The following EIPR1 variants were observed in gnomAD, a reference collection of about 807,000 sequenced individuals.
EIPR1 encodes EARP complex and GARP complex interacting protein 1.
Under a neutral mutation model 48.1 loss-of-function variants are expected in EIPR1, and 25 were observed. The observed-to-expected ratio is 0.52, with a 90% CI of 0.38 to 0.73. EIPR1 has a LOEUF of 0.73. Among genes scored for constraint, EIPR1 ranks in the 30% least tolerant of loss-of-function variants. EIPR1 has a pLI of 0.00. For missense variants in EIPR1, 415 were observed against 506.2 expected (o/e 0.82, Z 1.73); for synonymous variants, 204 against 201.9 (o/e 1.01, Z -0.09).
chr2:3,258,924 T>TTATC (rs907136379), intron 3 of EIPR1, among the ~76,000 whole-genome samples: 1 of 152,170 alleles, frequency 6.6e-6, no homozygotes, highest in African/African-American at 2.4e-5. Flanking sequence ...GGAATTTTAT[T>TTATC]TATTTATTTA....
intron 3 of EIPR1, among the ~76,000 whole-genome samples, chr2:3,283,244 T>C (rs1226053942): frequency 6.6e-6 from 1 of 152,100 alleles, no homozygotes; most frequent in Non-Finnish European, 1.5e-5. Flanking sequence ...ATGCAGCAAA[T>C]GCACCTCTCA....
intron 1 of EIPR1, among the ~76,000 whole-genome samples, chr2:3,363,299 C>T (rs757726769): frequency 1.3e-5 from 2 of 151,752 alleles, no homozygotes; most frequent in Non-Finnish European, 2.9e-5. Context: ...ATGGAAAACA[C>T]AAACCGGGAA....
intron 1 of EIPR1, among the ~76,000 whole-genome samples, chr2:3,369,681 G>A (rs892865680): frequency 6.6e-5 from 10 of 152,236 alleles, no homozygotes; most frequent in Non-Finnish European, 1.5e-4. Context: ...CGAGGCTGGG[G>A]GAGGGGCGCC....
intron 3 of EIPR1, among the ~76,000 whole-genome samples, chr2:3,317,777 T>C (rs1396268356): frequency 6.6e-6 from 1 of 151,898 alleles, no homozygotes. Flanking sequence ...GAAAGAGACG[T>C]GGGGTTTGCA....
At chr2:3,322,196 C>G (rs574776603) in intron 3 of EIPR1, among the ~76,000 whole-genome samples, 2 of 152,120 alleles carry the variant, frequency 1.3e-5, no homozygotes, top group Admixed American at 1.3e-4. Flanking sequence ...CTGACGGTCA[C>G]GGTGAGGTGA....
intron 5 of EIPR1, 31 bp downstream of exon 5, chr2:3,214,118 A>C (rs1665546779): frequency 6.3e-7 from 1 of 1,596,270 alleles, no homozygotes; most frequent in Admixed American, 1.7e-5. Context: ...AAAAATACAG[A>C]AACAAACGCT....
intron 3 of EIPR1, among the ~76,000 whole-genome samples, chr2:3,273,907 C>T (rs986106619): frequency 2.6e-5 from 4 of 151,802 alleles, no homozygotes; most frequent in Admixed American, 6.6e-5. Flanking sequence ...TCGCAATGTT[C>T]GAAGAAATAA....
chr2:3,375,773 A>G (rs1357520715), intron 1 of EIPR1, among the ~76,000 whole-genome samples: 3 of 152,242 alleles, frequency 2.0e-5, no homozygotes, highest in Non-Finnish European at 4.4e-5. Flanking sequence ...AACAGGAACA[A>G]TAACACCTAC....
intron 6 of EIPR1, among the ~76,000 whole-genome samples, chr2:3,196,664 C>A (rs1664816909): frequency 6.6e-6 from 1 of 152,244 alleles, no homozygotes; most frequent in South Asian, 2.1e-4. Flanking sequence ...GAACATTAAA[C>A]AGCCACCGAG....
intron 5 of EIPR1, among the ~76,000 whole-genome samples, chr2:3,202,829 C>T (rs1665096556): frequency 1.3e-5 from 2 of 152,224 alleles, no homozygotes; most frequent in African/African-American, 4.8e-5. Flanking sequence ...AGCTTAAGGA[C>T]TCGTCTAGAT....
intron 3 of EIPR1, among the ~76,000 whole-genome samples, chr2:3,317,347 G>C (rs1669341340): frequency 6.6e-6 from 1 of 151,752 alleles, no homozygotes; most frequent in Non-Finnish European, 1.5e-5. Context: ...ACGCGGGGTG[G>C]AGCATGGAGC....
chr2:3,295,058 T>C (rs1668508545), intron 3 of EIPR1, among the ~76,000 whole-genome samples: 1 of 113,544 alleles, frequency 8.8e-6, no homozygotes, highest in Non-Finnish European at 1.8e-5. Flanking sequence ...GGCCATTCTC[T>C]CTCCACACAC....
chr2:3,207,858 T>C (rs760334767), intron 5 of EIPR1: 3 of 152,242 alleles, frequency 2.0e-5, no homozygotes, highest in Non-Finnish European at 2.9e-5. Flanking sequence ...AATCAAACTA[T>C]ACATGTAGTT....
intron 1 of EIPR1, among the ~76,000 whole-genome samples, chr2:3,359,572 A>T (rs897378711): frequency 3.9e-5 from 6 of 152,374 alleles, no homozygotes; most frequent in Non-Finnish European, 8.8e-5. Flanking sequence ...ATTTGTATAG[A>T]CCTATCTAAA....
intron 3 of EIPR1, chr2:3,318,786 C>T (rs138201275): frequency 2.2e-6 from 1 of 460,548 alleles, no homozygotes; most frequent in East Asian, 7.1e-5. Context: ...TGACGTGCTA[C>T]TCCTCGATCG....
intron 4 of EIPR1, among the ~76,000 whole-genome samples, chr2:3,255,938 C>CT (rs1667141571): frequency 2.0e-5 from 3 of 152,194 alleles, no homozygotes; most frequent in African/African-American, 7.2e-5. Flanking sequence ...TGTGGAACTC[C>CT]TAACAGTGCT....
At chr2:3,200,556 C>T (rs1558218202) in intron 5 of EIPR1, among the ~76,000 whole-genome samples, 1 of 151,868 alleles carries the variant, frequency 6.6e-6, no homozygotes, top group Non-Finnish European at 1.5e-5. Flanking sequence ...ACGGACCAAG[C>T]AGGAAAACGC....
At position 3,277,185 on chromosome 2, in the gene EIPR1, C is replaced by A. The variant is rs1448728656; in HGVS notation, c.260-19730G>T. Among the ~76,000 whole-genome samples the A allele has an allele frequency of 2.6e-5, 4 of 152,138 alleles. No individual in the cohort carries two copies. In the East Asian group the frequency reaches 7.7e-4, roughly 29 times the overall value. Reference sequence around the variant, plus strand: ...AGAAATCCAGGAGCCTCTCCACCCACGCGGCCCCACACCTGTCTCCACCCA... The same window carrying A: ...AGAAATCCAGGAGCCTCTCCACCCAAGCGGCCCCACACCTGTCTCCACCCA... On this transcript the variant is annotated intron_variant, in intron 3 of 8. Transcript: ENST00000382125.
At chr2:3,342,328 A>G (rs1670275990) in intron 2 of EIPR1, among the ~76,000 whole-genome samples, 1 of 152,246 alleles carries the variant, frequency 6.6e-6, no homozygotes, top group African/African-American at 2.4e-5. Flanking sequence ...ATTAGAAGTA[A>G]TTTTTGTGTT....
Sources: gnomAD v4.1 joint callset for allele counts (sites outside exome capture counted in the v4.1 genomes callset) on GRCh38, gnomAD v4.1.1 for gene constraint, MANE v1.5 for transcripts, NCBI Gene and HGNC (gene_info 2026-07-23, HGNC 2026-07-21) for gene names.